The following C8orf74 variants were observed in gnomAD, a reference collection of about 807,000 sequenced individuals.
C8orf74 encodes uncharacterized protein C8orf74.
In C8orf74, 29 loss-of-function variants were observed where a neutral mutation model predicts 22.2. The observed-to-expected ratio is 1.31, with a 90% CI of 0.97 to 1.78. The LOEUF (loss-of-function observed/expected upper bound fraction) is 1.78, where lower values mean the gene tolerates loss of function less well. Among genes scored for constraint, C8orf74 ranks in the 40% most tolerant of loss-of-function variants. C8orf74 has a pLI of 0.00. For synonymous variants in C8orf74, 255 were observed against 163.1 expected (o/e 1.56, Z -4.30); for missense variants, 515 against 369.9 (o/e 1.39, Z -3.22).
chr8:10,675,567 G>C (rs560726343), intron 2 of C8orf74: 1 of 152,210 alleles, frequency 6.6e-6, no homozygotes, highest in Non-Finnish European at 1.5e-5. Flanking sequence ...AACATCCTTC[G>C]TAGTGACAAA....
At chr8:10,687,615 CAAAAAA>C (rs374455264) in intron 2 of C8orf74, among the ~76,000 whole-genome samples, 2 of 53,076 alleles carry the variant, frequency 3.8e-5, no homozygotes, top group African/African-American at 1.3e-4. Flanking sequence ...GACTCCATCT[CAAAAAA>C]AAAAAAAAAA....
chr8:10,692,644 C>G (rs1377403910), intron 2 of C8orf74: 2 of 152,136 alleles, frequency 1.3e-5, no homozygotes, highest in East Asian at 3.9e-4. Context: ...GTAGCTGGGA[C>G]TAAAGGCATG....
chr8:10,691,673 G>T (rs978292465), intron 2 of C8orf74: 5 of 152,384 alleles, frequency 3.3e-5, no homozygotes, highest in African/African-American at 7.2e-5. Context: ...CCTCCATGCG[G>T]CCACCGACTT....
intron 2 of C8orf74, among the ~76,000 whole-genome samples, chr8:10,696,516 C>G (rs1799505514): frequency 7.1e-6 from 1 of 140,210 alleles, no homozygotes; most frequent in Non-Finnish European, 1.5e-5. Flanking sequence ...AGCTCGATCT[C>G]AGCTCACTGC....
intron 2 of C8orf74, among the ~76,000 whole-genome samples, chr8:10,681,442 C>T (rs948826257): frequency 1.3e-5 from 2 of 152,134 alleles, no homozygotes; most frequent in African/African-American, 2.4e-5. Flanking sequence ...AGTTTGCCAG[C>T]CTTATCTAAT....
At chr8:10,672,857 G>A (rs1396925994) in intron 1 of C8orf74, 144 bp downstream of exon 1, 3 of 717,092 alleles carry the variant, frequency 4.2e-6, no homozygotes, top group African/African-American at 3.6e-5. Context: ...GTGACGAGAT[G>A]TGGGGCCCAA....
At position 10,696,985 on chromosome 8, in the gene C8orf74, G is replaced by A. The variant is rs116125246; in HGVS notation, c.242-614G>A. Among the ~76,000 whole-genome samples, 990 of 147,266 alleles carry A rather than the reference G, an allele frequency of 6.7e-3. 10 individuals are homozygous for A. The highest frequency in any genetic ancestry group is 0.025 in the African/African-American group (942 of 38,414). ...AAAAAAAAAAAAAAGACAAAATACT[G>A]GTAATGATAATGTGATTATACTGAG... On this transcript the variant is annotated intron_variant, in intron 2 of 3. Coordinates refer to ENST00000304519, the MANE Select transcript of C8orf74 (RefSeq NM_001040032.2).
intron 2 of C8orf74, among the ~76,000 whole-genome samples, chr8:10,681,421 G>A (rs1164432935): frequency 6.6e-6 from 1 of 152,166 alleles, no homozygotes; most frequent in Non-Finnish European, 1.5e-5. Context: ...AAAACCACAG[G>A]AAGGGGGCAC....
chr8:10,687,410 G>T (rs1017790271), intron 2 of C8orf74: 40 of 241,446 alleles, frequency 1.7e-4, no homozygotes, highest in African/African-American at 8.2e-4. Flanking sequence ...GGCAGTTTGG[G>T]AGGCCAAGGC....
At chr8:10,678,260 A>T (rs535552122) in intron 2 of C8orf74, among the ~76,000 whole-genome samples, 1 of 152,266 alleles carries the variant, frequency 6.6e-6, no homozygotes, top group Non-Finnish European at 1.5e-5. Flanking sequence ...ATCTAGAAAA[A>T]TGGGGATGCA....
chr8:10,690,055 T>C (rs1441807729), intron 2 of C8orf74, among the ~76,000 whole-genome samples: 3 of 152,150 alleles, frequency 2.0e-5, no homozygotes, highest in Non-Finnish European at 2.9e-5. Flanking sequence ...AAACGTTCTT[T>C]GGAAAATGTG....
intron 2 of C8orf74, among the ~76,000 whole-genome samples, chr8:10,675,083 C>T (rs1316405634): frequency 7.9e-6 from 1 of 126,866 alleles, no homozygotes; most frequent in Non-Finnish European, 1.9e-5. Flanking sequence ...GCTGTTTGCA[C>T]AACAGCCAGG....
At chr8:10,690,418 G>A (rs1374306813) in intron 2 of C8orf74, among the ~76,000 whole-genome samples, 2 of 152,148 alleles carry the variant, frequency 1.3e-5, no homozygotes, top group Non-Finnish European at 1.5e-5. Flanking sequence ...GGGGCAATGC[G>A]GCGTGCGGGG....
intron 1 of C8orf74, 131 bp downstream of exon 1, chr8:10,672,844 G>T (rs1423315784): frequency 1.3e-5 from 10 of 756,736 alleles, no homozygotes; most frequent in Non-Finnish European, 2.2e-5. Flanking sequence ...CACCTCTGAG[G>T]CTGTGACGAG....
At chr8:10,697,289 G>T (rs1403318317) in intron 2 of C8orf74, among the ~76,000 whole-genome samples, 1 of 151,978 alleles carries the variant, frequency 6.6e-6, no homozygotes, top group Non-Finnish European at 1.5e-5. Flanking sequence ...AACAAAATTA[G>T]TCAGGTTTGG....
intron 3 of C8orf74, among the ~76,000 whole-genome samples, 181 bp from the exon 4 acceptor site, chr8:10,700,054 C>T (rs1268300210): frequency 6.6e-6 from 1 of 152,192 alleles, no homozygotes. Flanking sequence ...ACCCTCAGAC[C>T]TCCCGCCCCT....
At chr8:10,688,223 A>G (rs1028656599) in intron 2 of C8orf74, 2 of 150,672 alleles carry the variant, frequency 1.3e-5, no homozygotes, top group East Asian at 1.9e-4. Context: ...AAAAAAAAAG[A>G]AAAGAAAAAA....
intron 2 of C8orf74, among the ~76,000 whole-genome samples, chr8:10,693,334 C>T (rs555410824): frequency 1.7e-4 from 26 of 152,284 alleles, no homozygotes; most frequent in African/African-American, 6.3e-4. Flanking sequence ...TCAGGGAAGC[C>T]CTTCCTGACC....
At chr8:10,680,640 CA>C (rs1799129208) in intron 2 of C8orf74, among the ~76,000 whole-genome samples, 1 of 152,250 alleles carries the variant, frequency 6.6e-6, no homozygotes, top group Non-Finnish European at 1.5e-5. Flanking sequence ...AAGGGAGGCC[CA>C]GACCACCTCT....
Sources: gnomAD v4.1 joint callset for allele counts (sites outside exome capture counted in the v4.1 genomes callset) on GRCh38, gnomAD v4.1.1 for gene constraint, MANE v1.5 for transcripts, NCBI Gene and HGNC (gene_info 2026-07-23, HGNC 2026-07-21) for gene names.